ASTN2: variants seen among roughly 807,000 people sequenced by gnomAD.
ASTN2 encodes the protein astrotactin 2, also known as astrotactin-2.
A neutral mutation model predicts 139.8 loss-of-function variants in ASTN2; 54 were observed. The observed-to-expected ratio is 0.39, with a 90% CI of 0.31 to 0.48. The LOEUF is 0.48. ASTN2 is among the 20% of genes least tolerant of loss of function. ASTN2 has a pLI of 0.95. For missense variants in ASTN2, 1,565 were observed against 1,725.1 expected (o/e 0.91, Z 1.64); for synonymous variants, 756 against 719.5 (o/e 1.05, Z -0.81).
intron 2 of ASTN2, among the ~76,000 whole-genome samples, chr9:117,253,119 G>A (rs191109544): frequency 1.2e-3 from 179 of 152,244 alleles, no homozygotes; most frequent in Non-Finnish European, 1.9e-3. Flanking sequence ...TGGTGGCAAG[G>A]TCAGAGCCCC....
intron 20 of ASTN2, among the ~76,000 whole-genome samples, chr9:116,450,837 C>T (rs1302321198): frequency 6.6e-6 from 1 of 152,196 alleles, no homozygotes; most frequent in African/African-American, 2.4e-5. Flanking sequence ...CCCATGCTTT[C>T]TGCCAACATA....
chr9:117,284,213 C>T (rs926306972), intron 2 of ASTN2, among the ~76,000 whole-genome samples: 1 of 152,152 alleles, frequency 6.6e-6, no homozygotes, highest in African/African-American at 2.4e-5. Context: ...AAGCGATCCT[C>T]CCACCTCAGC....
chr9:117,280,145 T>C (rs952794006), intron 2 of ASTN2, among the ~76,000 whole-genome samples: 3 of 152,204 alleles, frequency 2.0e-5, no homozygotes, highest in Non-Finnish European at 2.9e-5. Flanking sequence ...ATGCCCATCA[T>C]TGGGTTTGTC....
At position 116,607,744 on chromosome 9, in the gene ASTN2, G is replaced by A. The variant is rs1476756959; in HGVS notation, c.3355+10580C>T. Among the ~76,000 whole-genome samples, 3 of 150,564 alleles carry A rather than the reference G, an allele frequency of 2.0e-5. No homozygotes were observed. The East Asian group carries it at 6.0e-4, about 30-fold the overall frequency. ...ACACACGCTGAAGCAGGCGGGTCAC[G>A]AGGTCAGGAGATCGAGACCATCCTG... On this transcript the variant is annotated intron_variant, in intron 19 of 22. Transcript: ENST00000313400.
intron 1 of ASTN2, among the ~76,000 whole-genome samples, chr9:117,338,137 T>G (rs1269996001): frequency 6.6e-6 from 1 of 152,178 alleles, no homozygotes; most frequent in Non-Finnish European, 1.5e-5. Flanking sequence ...AACAGAAGGA[T>G]TAGGAAAGAT....
At chr9:117,307,887 G>T (rs1011855689) in intron 1 of ASTN2, among the ~76,000 whole-genome samples, 1 of 152,118 alleles carries the variant, frequency 6.6e-6, no homozygotes, top group African/African-American at 2.4e-5. Flanking sequence ...CCTCTCCTGC[G>T]GTCTCCTGAA....
intron 19 of ASTN2, among the ~76,000 whole-genome samples, chr9:116,570,490 G>C (rs1267439134): frequency 1.3e-5 from 2 of 152,200 alleles, no homozygotes; most frequent in Admixed American, 1.3e-4. Flanking sequence ...CCGCCTCCCA[G>C]GTTCATGCCT....
chr9:116,653,399 G>C (rs1415674082), intron 16 of ASTN2, among the ~76,000 whole-genome samples: 5 of 152,168 alleles, frequency 3.3e-5, no homozygotes, highest in African/African-American at 1.2e-4. Context: ...TTCTATACAA[G>C]ATTTCGTGAA....
At chr9:116,629,643 C>T (rs1158295476) in intron 17 of ASTN2, among the ~76,000 whole-genome samples, 3 of 152,084 alleles carry the variant, frequency 2.0e-5, no homozygotes, top group African/African-American at 7.2e-5. Context: ...TATAAGAAAT[C>T]GTGCAGCTCA....
chr9:116,751,545 T>G (rs1206018137), intron 13 of ASTN2, among the ~76,000 whole-genome samples: 2 of 151,746 alleles, frequency 1.3e-5, no homozygotes, highest in African/African-American at 4.8e-5. Context: ...TAACTATTAT[T>G]ATTGTTATTA....
At chr9:116,586,491 G>A (rs1433072744) in intron 19 of ASTN2, among the ~76,000 whole-genome samples, 1 of 152,154 alleles carries the variant, frequency 6.6e-6, no homozygotes, top group Admixed American at 6.6e-5. Context: ...GTTCTTTGCA[G>A]CATCATAGAT....
intron 5 of ASTN2, among the ~76,000 whole-genome samples, chr9:117,076,655 AAATGACACCAAC>A (rs1828288088): frequency 6.6e-6 from 1 of 152,068 alleles, no homozygotes; most frequent in Non-Finnish European, 1.5e-5. Flanking sequence ...ATTCAGGTGA[AAATGACACCAAC>A]TTGTCTAAGG....
chr9:116,642,538 T>C (rs1330957489), intron 17 of ASTN2, among the ~76,000 whole-genome samples: 1 of 152,112 alleles, frequency 6.6e-6, no homozygotes, highest in Non-Finnish European at 1.5e-5. Context: ...ATCTCATACA[T>C]ATACCCCCCA....
chr9:117,369,281 G>C (rs1829929260), intron 1 of ASTN2, among the ~76,000 whole-genome samples: 2 of 151,984 alleles, frequency 1.3e-5, no homozygotes, highest in Admixed American at 1.3e-4. Context: ...ATTTGGGTAG[G>C]TTTTGTAGCT....
chr9:116,729,002 G>A lies in ASTN2; in HGVS notation c.2616C>T (p.Thr872=), dbSNP rs1481264302. 4.4e-6 allele frequency: 7 copies of A among 1,584,512 alleles called. No individual in the cohort carries two copies. Among genetic ancestry groups the A allele is most frequent in the Non-Finnish European group, 6.0e-6 (7 of 1,164,290 alleles). ...NLYRVKLSTI[T]LAAGFTNVLK... is the part of the protein sequence containing the mutation. The stretch of plus-strand genomic sequence containing the variant: ...GGCAGTGGTCCTCACCTGCTGCGAG[G>A]GTGATGGTGCTGAGCTTCACACGGT... Residue 872 remains threonine (T), a synonymous_variant, in exon 15 of 23, where the codon ACC becomes ACT. Transcript: ENST00000313400.
intron 13 of ASTN2, among the ~76,000 whole-genome samples, chr9:116,772,441 T>C (rs978744332): frequency 2.6e-5 from 4 of 152,180 alleles, no homozygotes; most frequent in African/African-American, 7.2e-5. Context: ...CCATGTGGAA[T>C]TGTGAGTTCA....
intron 19 of ASTN2, among the ~76,000 whole-genome samples, chr9:116,528,101 C>A (rs759092894): frequency 1.3e-5 from 2 of 152,150 alleles, no homozygotes; most frequent in Non-Finnish European, 2.9e-5. Flanking sequence ...GAAGTTGGAA[C>A]AGTTTTGAGG....
intron 16 of ASTN2, among the ~76,000 whole-genome samples, chr9:116,709,637 C>G (rs1828089315): frequency 6.6e-6 from 1 of 152,216 alleles, no homozygotes; most frequent in African/African-American, 2.4e-5. Context: ...TTAAATAACT[C>G]TGTGACTCTC....
intron 1 of ASTN2, among the ~76,000 whole-genome samples, chr9:117,306,362 G>C (rs1381966006): frequency 6.6e-6 from 1 of 152,132 alleles, no homozygotes; most frequent in Non-Finnish European, 1.5e-5. Flanking sequence ...GTTATCCCAG[G>C]TTACATAGCA....
Sources: gnomAD v4.1 joint callset for allele counts (sites outside exome capture counted in the v4.1 genomes callset) on GRCh38, gnomAD v4.1.1 for gene constraint, MANE v1.5 for transcripts, NCBI Gene and HGNC (gene_info 2026-07-23, HGNC 2026-07-21) for gene names.